The following PPP2R2C variants were observed in gnomAD, a reference collection of about 807,000 sequenced individuals.
The protein encoded by PPP2R2C is protein phosphatase 2 regulatory subunit Bgamma, also known as protein phosphatase 2, regulatory subunit B, gamma.
A neutral mutation model predicts 45.3 loss-of-function variants in PPP2R2C; 10 were observed. That is an observed-to-expected ratio of 0.22 (90% CI 0.14 to 0.37). PPP2R2C has a LOEUF of 0.37. Ranked by LOEUF, PPP2R2C falls within the 10% of genes least tolerant of loss-of-function variation. The pLI is 1.00. For synonymous variants in PPP2R2C, 257 were observed against 245.4 expected, an observed-to-expected ratio of 1.05 and a Z score of -0.44; for missense variants, 308 against 619.7, an observed-to-expected ratio of 0.50 and a Z score of 5.34.
chr4:6,497,577 C>T (rs977757563), intron 2 of PPP2R2C, among the ~76,000 whole-genome samples: 10 of 152,162 alleles, frequency 6.6e-5, no homozygotes, highest in African/African-American at 2.4e-4. Context: ...TTGTGCAAGA[C>T]ATTATAGAAA....
At chr4:6,355,634 C>G (rs189923766) in intron 5 of PPP2R2C, among the ~76,000 whole-genome samples, 1 of 151,250 alleles carries the variant, frequency 6.6e-6, no homozygotes, top group South Asian at 2.1e-4. Flanking sequence ...CTGACAAAGG[C>G]CATTCAAAGG....
chr4:6,339,943 C>T (rs1430578788), intron 6 of PPP2R2C, among the ~76,000 whole-genome samples: 4 of 152,128 alleles, frequency 2.6e-5, no homozygotes, highest in African/African-American at 4.8e-5. Context: ...TATGGATCCC[C>T]GAGCACCCCT....
At chr4:6,356,220 C>T (rs1485946982) in intron 5 of PPP2R2C, among the ~76,000 whole-genome samples, 3 of 152,220 alleles carry the variant, frequency 2.0e-5, no homozygotes, top group Middle Eastern at 3.4e-3. Context: ...TGTTTATATC[C>T]CCCAAACCCC....
At chr4:6,485,897 T>A (rs563765753) in intron 2 of PPP2R2C, among the ~76,000 whole-genome samples, 1 of 152,068 alleles carries the variant, frequency 6.6e-6, no homozygotes, top group East Asian at 1.9e-4. Flanking sequence ...CAATTTCTCT[T>A]CTGGTCCTTA....
Position 6,323,027 on chromosome 4 carries a change from G to C in PPP2R2C, c.*275C>G. 2.8e-6 allele frequency: 1 copy of C among 352,820 alleles called. No individual in the cohort carries two copies. Among genetic ancestry groups the C allele is most frequent in the East Asian group, 4.7e-5 (1 of 21,320 alleles). The allele number at this position is 352,820 out of a possible 1,614,324, so 21.9% of individuals were successfully genotyped here. A position where few individuals can be genotyped will look rare whatever the true frequency, so the allele number is the denominator to read the frequency against. On this transcript the variant is annotated 3_prime_UTR_variant, in exon 9 of 9. Coordinates refer to ENST00000382599, the MANE Select transcript of PPP2R2C (RefSeq NM_020416.4). ...TGAATGAAAGAACCCTGAACTGTAA[G>C]ACTCCACAGTCATGTCCATTTTATG...
chr4:6,480,103 T>C (rs994350010), intron 2 of PPP2R2C, among the ~76,000 whole-genome samples: 9 of 152,184 alleles, frequency 5.9e-5, no homozygotes, highest in Non-Finnish European at 1.2e-4. Flanking sequence ...TTCCTTTCTC[T>C]TTCCAGAGGC....
At chr4:6,410,832 T>A (rs1056543506) in intron 1 of PPP2R2C, among the ~76,000 whole-genome samples, 3 of 147,856 alleles carry the variant, frequency 2.0e-5, no homozygotes, top group African/African-American at 7.5e-5. Context: ...GGGACTACTA[T>A]TCCCCCTGTT....
chr4:6,444,398 C>T (rs1319347469), intron 1 of PPP2R2C, among the ~76,000 whole-genome samples: 1 of 152,170 alleles, frequency 6.6e-6, no homozygotes, highest in Non-Finnish European at 1.5e-5. Flanking sequence ...AACCCCAAAG[C>T]CTAGTCGTTA....
At chr4:6,555,938 A>G (rs909384186) in intron 1 of PPP2R2C, among the ~76,000 whole-genome samples, 1 of 151,798 alleles carries the variant, frequency 6.6e-6, no homozygotes, top group Non-Finnish European at 1.5e-5. Flanking sequence ...TGAAGGCCAT[A>G]TTTTCTGCCT....
intron 1 of PPP2R2C, among the ~76,000 whole-genome samples, chr4:6,539,451 C>A (rs903104083): frequency 6.6e-6 from 1 of 152,208 alleles, no homozygotes; most frequent in Non-Finnish European, 1.5e-5. Context: ...AGGGCACTCA[C>A]ACATGTATTG....
At chr4:6,544,758 C>T (rs1724921979) in intron 1 of PPP2R2C, among the ~76,000 whole-genome samples, 1 of 152,202 alleles carries the variant, frequency 6.6e-6, no homozygotes, top group South Asian at 2.1e-4. Context: ...GGCCAGCTAA[C>T]ACCCTTCTCC....
chr4:6,424,089 G>A (rs1553897536), intron 1 of PPP2R2C, among the ~76,000 whole-genome samples: 1 of 152,242 alleles, frequency 6.6e-6, no homozygotes, highest in Non-Finnish European at 1.5e-5. Context: ...TTAAGGCCAG[G>A]AGGCTCTTCC....
intron 2 of PPP2R2C, among the ~76,000 whole-genome samples, chr4:6,510,459 G>A (rs1723387365): frequency 6.6e-6 from 1 of 152,106 alleles, no homozygotes. Flanking sequence ...CCATCACCCT[G>A]TTTTAACTTC....
intron 1 of PPP2R2C, among the ~76,000 whole-genome samples, chr4:6,404,878 T>G (rs1717692309): frequency 6.6e-6 from 1 of 152,238 alleles, no homozygotes; most frequent in African/African-American, 2.4e-5. Flanking sequence ...GAGGGCCAAC[T>G]GCGGTCAGGT....
chr4:6,440,301 A>G (rs1720089830), intron 1 of PPP2R2C, among the ~76,000 whole-genome samples: 1 of 152,246 alleles, frequency 6.6e-6, no homozygotes, highest in African/African-American at 2.4e-5. Context: ...AGTTATCAGA[A>G]AAGAGTTCTA....
chr4:6,407,981 A>G (rs1717911264), intron 1 of PPP2R2C, among the ~76,000 whole-genome samples: 1 of 152,206 alleles, frequency 6.6e-6, no homozygotes. Flanking sequence ...AAAATGTCTC[A>G]ATTACTTTAG....
chr4:6,449,861 G>T (rs557492501), intron 1 of PPP2R2C, among the ~76,000 whole-genome samples: 1 of 152,184 alleles, frequency 6.6e-6, no homozygotes, highest in Admixed American at 6.5e-5. Context: ...AGAGGCACAC[G>T]GTTCCCAGAG....
chr4:6,455,665 C>T (rs1004484306), intron 1 of PPP2R2C, among the ~76,000 whole-genome samples: 2 of 152,166 alleles, frequency 1.3e-5, no homozygotes, highest in African/African-American at 4.8e-5. Context: ...CCTTTCCAAA[C>T]TCCCAGAGAC....
chr4:6,507,940 A>C (rs1389320133), intron 2 of PPP2R2C, among the ~76,000 whole-genome samples: 2 of 152,212 alleles, frequency 1.3e-5, no homozygotes, highest in African/African-American at 4.8e-5. Context: ...CTTAGACGAC[A>C]AATCAAATTT....
Sources: gnomAD v4.1 joint callset for allele counts (sites outside exome capture counted in the v4.1 genomes callset) on GRCh38, gnomAD v4.1.1 for gene constraint, MANE v1.5 for transcripts, NCBI Gene and HGNC (gene_info 2026-07-23, HGNC 2026-07-21) for gene names.